The following SNTG1 variants were observed in gnomAD, a reference collection of about 807,000 sequenced individuals.
The protein encoded by SNTG1 is syntrophin gamma 1.
SNTG1 carries 39 observed loss-of-function variants against 74.7 expected under a neutral mutation model. The observed-to-expected ratio is 0.52, with a 90% CI of 0.40 to 0.68. SNTG1 has a LOEUF of 0.68. SNTG1 is among the 30% of genes least tolerant of loss of function. SNTG1 has a pLI of 0.00. For synonymous variants in SNTG1, 254 were observed against 217.1 expected (o/e 1.17, Z -1.49); for missense variants, 685 against 609.5 (o/e 1.12, Z -1.30).
chr8:50,595,288 T>A (rs1279129940), intron 13 of SNTG1, among the ~76,000 whole-genome samples: 1 of 151,980 alleles, frequency 6.6e-6, no homozygotes, highest in Non-Finnish European at 1.5e-5. Context: ...CACTTTATGA[T>A]CTAAAGGAGA....
intron 1 of SNTG1, among the ~76,000 whole-genome samples, chr8:50,075,223 C>T (rs1214319388): frequency 6.6e-6 from 1 of 152,200 alleles, no homozygotes; most frequent in East Asian, 1.9e-4. Flanking sequence ...CCAGTCCCAT[C>T]GACCGCCCAG....
intron 1 of SNTG1, among the ~76,000 whole-genome samples, chr8:50,114,959 A>G (rs1412494019): frequency 1.3e-5 from 2 of 152,224 alleles, no homozygotes; most frequent in Non-Finnish European, 2.9e-5. Flanking sequence ...TTATAACACA[A>G]TGTTTGCATA....
intron 2 of SNTG1, among the ~76,000 whole-genome samples, chr8:50,375,632 A>T (rs2092363110): frequency 6.6e-6 from 1 of 152,146 alleles, no homozygotes; most frequent in Non-Finnish European, 1.5e-5. Flanking sequence ...TTCCCATGTA[A>T]AAGGAGTCAG....
At chr8:50,385,301 T>C (rs1176011605) in intron 2 of SNTG1, among the ~76,000 whole-genome samples, 1 of 152,178 alleles carries the variant, frequency 6.6e-6, no homozygotes, top group Non-Finnish European at 1.5e-5. Context: ...ATATGTTGCC[T>C]CCAAAACTCA....
intron 2 of SNTG1, among the ~76,000 whole-genome samples, chr8:50,389,017 T>C (rs1187318850): frequency 6.6e-6 from 1 of 152,106 alleles, no homozygotes; most frequent in Admixed American, 6.6e-5. Context: ...TTTGGCTCTG[T>C]GTGTGTCACT....
chr8:50,633,753 A>G (rs182331026), intron 13 of SNTG1, among the ~76,000 whole-genome samples: 1 of 152,282 alleles, frequency 6.6e-6, no homozygotes, highest in African/African-American at 2.4e-5. Context: ...ACAGGTACCC[A>G]TGTTATCATC....
intron 18 of SNTG1, among the ~76,000 whole-genome samples, chr8:50,765,671 T>G (rs927154817): frequency 2.6e-5 from 4 of 152,038 alleles, no homozygotes; most frequent in African/African-American, 9.7e-5. Flanking sequence ...TGACTTATTT[T>G]GATTACTCTG....
rs572733956 is a variant in SNTG1, at chr8:50,145,684, C to T, written c.-102-26877C>T. Among the ~76,000 whole-genome samples the T allele has an allele frequency of 6.2e-4, 94 of 152,132 alleles. 1 individual carries two copies. In the South Asian group the frequency reaches 8.7e-3, roughly 14 times the overall value. On this transcript the variant is annotated intron_variant, in intron 1 of 18. Coordinates refer to ENST00000642720, the MANE Select transcript of SNTG1 (RefSeq NM_018967.5). ...CACAAACTGAAATATTTTTCTCACC[C>T]GACAAAGTTTAGGGAAAGCAGAACT...
intron 5 of SNTG1, among the ~76,000 whole-genome samples, chr8:50,445,957 A>T (rs2093402784): frequency 6.6e-6 from 1 of 152,206 alleles, no homozygotes; most frequent in Non-Finnish European, 1.5e-5. Flanking sequence ...TTAAGCCAAA[A>T]TTTCAAAAAT....
At chr8:50,649,656 G>T (rs943606106) in intron 13 of SNTG1, among the ~76,000 whole-genome samples, 1 of 152,118 alleles carries the variant, frequency 6.6e-6, no homozygotes, top group African/African-American at 2.4e-5. Context: ...GCATTTCTTT[G>T]ATGAGCACTT....
At chr8:49,938,582 C>CTTT (rs1369224944) in intron 1 of SNTG1, among the ~76,000 whole-genome samples, 2 of 19,116 alleles carry the variant, frequency 1.0e-4, no homozygotes, top group South Asian at 6.3e-3. Context: ...CTTTTCTTTT[C>CTTT]TTTTCTTTTC....
rs2093576027 is a variant in SNTG1, at chr8:50,462,794, C to CTTTTTTTTTTTTTTT, written c.363+12066_363+12067insTTTTTTTTTTTTTTT. Among the ~76,000 whole-genome samples the CTTTTTTTTTTTTTTT allele has an allele frequency of 3.7e-4, 16 of 43,628 alleles. 8 individuals are homozygous for CTTTTTTTTTTTTTTT. The highest frequency in any genetic ancestry group is 2.8e-4 in the Non-Finnish European group (6 of 21,436). 28.6% of individuals were successfully genotyped at this position (43,628 alleles called of 152,430 possible). A position where few individuals can be genotyped will look rare whatever the true frequency, so the allele number is the denominator to read the frequency against. On this transcript the variant is annotated intron_variant, in intron 8 of 18. Coordinates refer to ENST00000642720, the MANE Select transcript of SNTG1 (RefSeq NM_018967.5). ...AACTCAGTCGCATCTTCAGGTTCTA[C>CTTTTTTTTTTTTTTT]TCTTTTTTTTTTTTTTTTTTTTTTT...
At chr8:50,159,346 A>G (rs1327104506) in intron 1 of SNTG1, among the ~76,000 whole-genome samples, 1 of 152,136 alleles carries the variant, frequency 6.6e-6, no homozygotes, top group Non-Finnish European at 1.5e-5. Context: ...TCCTGGTTAT[A>G]CCAAATTTCT....
intron 1 of SNTG1, among the ~76,000 whole-genome samples, chr8:50,018,107 A>G (rs1816500146): frequency 6.6e-6 from 1 of 152,004 alleles, no homozygotes; most frequent in Non-Finnish European, 1.5e-5. Flanking sequence ...ATTAATCTAC[A>G]GATCCTACAT....
rs2129840042 is a variant in SNTG1 at position 49,966,555 on chromosome 8, T to C, written c.-103+54324T>C. ...GACTACAGGCACCCGCTACCACATC[T>C]GGCTAATTTTTGTATTTTTAGTAGA... On this transcript the variant is annotated intron_variant, in intron 1 of 18. Coordinates refer to ENST00000642720, the MANE Select transcript of SNTG1 (RefSeq NM_018967.5). Among the ~76,000 whole-genome samples the C allele has an allele frequency of 2.0e-5, 3 of 151,970 alleles. No homozygotes were observed. The Middle Eastern group carries it at 0.01, about 520-fold the overall frequency.
intron 1 of SNTG1, among the ~76,000 whole-genome samples, chr8:49,981,881 A>C (rs1395596735): frequency 1.3e-5 from 2 of 152,152 alleles, no homozygotes; most frequent in Non-Finnish European, 2.9e-5. Context: ...GTAGTGAAAT[A>C]AAAAATATTT....
At chr8:50,113,492 A>G (rs1298279404) in intron 1 of SNTG1, among the ~76,000 whole-genome samples, 4 of 152,136 alleles carry the variant, frequency 2.6e-5, no homozygotes, top group African/African-American at 7.2e-5. Context: ...GGCTGAGACG[A>G]TGGGGTTTTC....
chr8:50,279,517 A>G (rs2088309802), intron 2 of SNTG1, among the ~76,000 whole-genome samples: 1 of 152,226 alleles, frequency 6.6e-6, no homozygotes, highest in Non-Finnish European at 1.5e-5. Flanking sequence ...TTTATGAAAT[A>G]CATTTATCAT....
chr8:50,288,349 A>C (rs2088901114), intron 2 of SNTG1, among the ~76,000 whole-genome samples: 1 of 152,156 alleles, frequency 6.6e-6, no homozygotes, highest in Non-Finnish European at 1.5e-5. Flanking sequence ...AAAATTAAAT[A>C]TTTCTAAATG....
Sources: allele counts gnomAD v4.1 joint callset (sites outside exome capture counted in the v4.1 genomes callset), GRCh38; gene constraint gnomAD v4.1.1; transcripts MANE v1.5; gene names NCBI Gene and HGNC (gene_info 2026-07-23, HGNC 2026-07-21).